TNFSF10: variants seen among roughly 807,000 people sequenced by gnomAD.
TNFSF10 encodes the protein TNF superfamily member 10.
In TNFSF10, 13 loss-of-function variants were observed where a neutral mutation model predicts 29.5. The observed-to-expected ratio is 0.44, with a 90% confidence interval of 0.29 to 0.70. TNFSF10 has a LOEUF of 0.70. TNFSF10 is among the 30% of genes least tolerant of loss of function. The pLI is 0.13. For missense variants in TNFSF10, 345 were observed against 330.9 expected (o/e 1.04, Z -0.33); for synonymous variants, 111 against 112.8 (o/e 0.98, Z 0.10).
intron 1 of TNFSF10, among the ~76,000 whole-genome samples, chr3:172,515,330 C>T (rs552274289): frequency 3.3e-5 from 5 of 152,176 alleles, no homozygotes; most frequent in East Asian, 1.9e-4. Context: ...AGTTTTGAGC[C>T]GGTTCACTAT....
chr3:172,522,391 C>T lies in TNFSF10; in HGVS notation c.132+862G>A, dbSNP rs1713737472. On this transcript the variant is annotated intron_variant, in intron 1 of 4. Coordinates refer to ENST00000241261, the MANE Select transcript of TNFSF10 (RefSeq NM_003810.4). Reference sequence around the variant, plus strand: ...ACAAGGCCCTATTTAAAGGCTGTTGCTACTGCTGTGGAACAGATTTACCCA... The same window carrying T: ...ACAAGGCCCTATTTAAAGGCTGTTGTTACTGCTGTGGAACAGATTTACCCA... 1.4e-5 allele frequency: 21 copies of T among 1,510,532 alleles called. No homozygotes were observed. The Middle Eastern group carries it at 7.3e-4, about 53-fold the overall frequency. The allele number at this position is 1,510,532 out of a possible 1,614,324, so 93.6% of individuals were successfully genotyped here.
At chr3:172,518,896 G>A (rs1353744620) in intron 1 of TNFSF10, among the ~76,000 whole-genome samples, 7 of 152,010 alleles carry the variant, frequency 4.6e-5, no homozygotes, top group Admixed American at 2.0e-4. Context: ...TAATTAGAAC[G>A]CTACTATAAA....
At chr3:172,512,809 G>A (rs1713279772) in intron 2 of TNFSF10, among the ~76,000 whole-genome samples, 4 of 152,364 alleles carry the variant, frequency 2.6e-5, no homozygotes, top group Admixed American at 1.3e-4. Context: ...AATAAAAAGA[G>A]TGACTAGAAG....
At chr3:172,518,021 G>C (rs954020348) in intron 1 of TNFSF10, 3 of 987,586 alleles carry the variant, frequency 3.0e-6, no homozygotes, top group African/African-American at 3.5e-5. Flanking sequence ...CACATGGCGG[G>C]TTGACGTGAG....
At chr3:172,520,599 C>A (rs945271741) in intron 1 of TNFSF10, among the ~76,000 whole-genome samples, 1 of 152,186 alleles carries the variant, frequency 6.6e-6, no homozygotes, top group African/African-American at 2.4e-5. Flanking sequence ...ATTCGTGGTG[C>A]CTACCACATC....
chr3:172,515,145 T>C, intron 1 of TNFSF10, 147 bp from the exon 2 acceptor site: 8 of 990,550 alleles, frequency 8.1e-6, no homozygotes. Flanking sequence ...AAAGTAAGCA[T>C]GCTCTCCTTT....
At position 172,523,408 on chromosome 3, in the gene TNFSF10, G is replaced by GT. The variant is rs758588051; in HGVS notation, c.-25dup. ...ATGATCCTGTCAGAGTCTGACTGCT[G>GT]TAAGTCAGCCAGGCAGCCGGTCACT... On this transcript the variant is annotated 5_prime_UTR_variant, in exon 1 of 5. Coordinates refer to ENST00000241261, the MANE Select transcript of TNFSF10 (RefSeq NM_003810.4). 3.1e-6 allele frequency: 5 copies of GT among 1,597,938 alleles called. No homozygotes were observed. The highest frequency in any genetic ancestry group is 2.3e-5 in the East Asian group (1 of 44,424).
At chr3:172,513,893 C>T (rs1177587483) in intron 2 of TNFSF10, among the ~76,000 whole-genome samples, 1 of 151,000 alleles carries the variant, frequency 6.6e-6, no homozygotes, top group African/African-American at 2.4e-5. Flanking sequence ...GGCTAGAGTG[C>T]AGTGGCATGA....
rs746968438 is a variant in TNFSF10 at position 172,506,928 on chromosome 3, A to C, written c.419-9T>G. The C allele has an allele frequency of 3.2e-6, 5 of 1,575,176 alleles. No homozygotes were observed. The highest frequency in any genetic ancestry group is 4.3e-6 in the Non-Finnish European group (5 of 1,163,852). On this transcript the variant is annotated splice_polypyrimidine_tract_variant and intron_variant, in intron 4 of 4. Coordinates refer to ENST00000241261, the MANE Select transcript of TNFSF10 (RefSeq NM_003810.4). ...CTTTTCATTCTTGGAGTCTGTAGGA[A>C]ATTTAGAGAGAAAGAGCGTTAACAG...
At chr3:172,516,105 A>T (rs1000110807) in intron 1 of TNFSF10, among the ~76,000 whole-genome samples, 2 of 152,132 alleles carry the variant, frequency 1.3e-5, no homozygotes, top group African/African-American at 2.4e-5. Context: ...TACTAAAAAA[A>T]TACAAAAAAT....
At chr3:172,515,019 A>T in intron 1 of TNFSF10, 21 bp from the exon 2 acceptor site, 1 of 1,613,564 alleles carries the variant, frequency 6.2e-7, no homozygotes, top group Non-Finnish European at 8.5e-7. Flanking sequence ...ATGGAATATA[A>T]CACAATATTT....
At chr3:172,511,582 G>C in intron 3 of TNFSF10, 35 bp downstream of exon 3, 1 of 1,565,782 alleles carries the variant, frequency 6.4e-7, no homozygotes, top group Non-Finnish European at 8.7e-7. Flanking sequence ...GAAGATGACA[G>C]TAAAAAATTA....
At chr3:172,523,205 G>A in intron 1 of TNFSF10, 48 bp downstream of exon 1, 1 of 1,537,144 alleles carries the variant, frequency 6.5e-7, no homozygotes, top group Non-Finnish European at 8.9e-7. Flanking sequence ...CAGGTAACCA[G>A]ACATTTGCTA....
Position 172,506,382 on chromosome 3 carries a change from C to T in TNFSF10, c.*110G>A. The T allele has an allele frequency of 5.9e-6, 8 of 1,366,994 alleles. No individual in the cohort carries two copies. The highest frequency in any genetic ancestry group is 4.4e-5 in the African/African-American group (3 of 67,864). 84.7% of individuals were successfully genotyped at this position (1,366,994 alleles called of 1,614,324 possible). A position where few individuals can be genotyped will look rare whatever the true frequency, so the allele number is the denominator to read the frequency against. The stretch of plus-strand genomic sequence containing the variant: ...GATTGCATAGAGGTTTTTTTGTTTT[C>T]TGTTTTCTGTTTGTTTGTTTTGGTC... On this transcript the variant is annotated 3_prime_UTR_variant, in exon 5 of 5. Transcript: ENST00000241261.
At chr3:172,506,945 C>A in intron 4 of TNFSF10, 26 bp from the exon 5 acceptor site, 1 of 1,530,430 alleles carries the variant, frequency 6.5e-7, no homozygotes, top group Non-Finnish European at 8.8e-7. Context: ...AGAGAAAGAG[C>A]GTTAACAGAA....
At chr3:172,520,008 C>A (rs1713612433) in intron 1 of TNFSF10, among the ~76,000 whole-genome samples, 1 of 152,162 alleles carries the variant, frequency 6.6e-6, no homozygotes, top group Non-Finnish European at 1.5e-5. Flanking sequence ...GCCTCCAAAG[C>A]CTTGTCTGAA....
At chr3:172,507,217 C>T (rs2108443647) in intron 4 of TNFSF10, 2 of 333,060 alleles carry the variant, frequency 6.0e-6, no homozygotes. Flanking sequence ...CAAGGGATGG[C>T]CCACTCAGAT....
chr3:172,518,678 C>T (rs1000437116), intron 1 of TNFSF10, among the ~76,000 whole-genome samples: 1 of 152,188 alleles, frequency 6.6e-6, no homozygotes, highest in Admixed American at 6.5e-5. Context: ...TGTTATGAAG[C>T]CTTCCTTAAC....
intron 1 of TNFSF10, chr3:172,518,501 G>T: frequency 7.8e-7 from 1 of 1,275,276 alleles, no homozygotes. Flanking sequence ...ATGGAGATCC[G>T]TGGAGAGGAA....
Sources: gnomAD v4.1 joint callset for allele counts (sites outside exome capture counted in the v4.1 genomes callset) on GRCh38, gnomAD v4.1.1 for gene constraint, MANE v1.5 for transcripts, NCBI Gene and HGNC (gene_info 2026-07-23, HGNC 2026-07-21) for gene names.